FAM161B: variants seen among roughly 807,000 people sequenced by gnomAD.
FAM161B encodes FAM161 centrosomal protein B.
FAM161B carries 46 observed loss-of-function variants against 61.5 expected under a neutral mutation model. That is an observed-to-expected ratio of 0.75 (90% CI 0.59 to 0.96). The LOEUF is 0.96. Among genes scored for constraint, FAM161B ranks in the 40% least tolerant of loss-of-function variants. FAM161B has a pLI of 0.00. For synonymous variants in FAM161B, 284 were observed against 302.7 expected (o/e 0.94, Z 0.64); for missense variants, 774 against 800.7 (o/e 0.97, Z 0.40).
chr14:73,931,596 C>G (rs369282610), downstream of FAM161B: 629 of 1,544,822 alleles, frequency 4.1e-4, 3 homozygotes, highest in Middle Eastern at 2.9e-3. Context: ...AATGCGTATA[C>G]TGGGAACAGG....
At position 73,944,857 on chromosome 14, in the gene FAM161B, G is replaced by A. The variant is rs778721600; in HGVS notation, c.403C>T (p.Leu135=). The change falls in exon 3 of 9, where the codon CTG becomes TTG. Residue 135 remains leucine (L), a synonymous_variant. Transcript: ENST00000286544. ...GGAATGTTGGAGGGAAGGTTGTTCA[G>A]GGAGCTGCAGCGCCTTGTGGAGCCA... ...RCGSTRRCSS[L]NNLPSNIPRP... 6.6e-7 allele frequency: 1 copy of A among 1,525,374 alleles called. No homozygotes were observed. The highest frequency in any genetic ancestry group is 1.4e-5 in the African/African-American group (1 of 72,080). The allele number at this position is 1,525,374 out of a possible 1,614,324, so 94.5% of individuals were successfully genotyped here. A position where few individuals can be genotyped will look rare whatever the true frequency, so the allele number is the denominator to read the frequency against.
chr14:73,934,129 C>G lies in FAM161B; in HGVS notation c.*127G>C, dbSNP rs2055950358. On this transcript the variant is annotated 3_prime_UTR_variant, in exon 9 of 9. Transcript: ENST00000286544. ...GAGCCACTGCGCCTGGCCTGTTAAT[C>G]TGCTACTCTTCATTTGTCCATCCTC... The G allele has an allele frequency of 8.5e-7, 1 of 1,170,996 alleles. No individual in the cohort carries two copies. The highest frequency in any genetic ancestry group is 1.2e-6 in the Non-Finnish European group (1 of 846,196). 72.5% of individuals were successfully genotyped at this position (1,170,996 alleles called of 1,614,324 possible).
At chr14:73,926,875 T>C (rs1165753246), downstream of FAM161B, among the ~76,000 whole-genome samples, 3 of 152,282 alleles carry the variant, frequency 2.0e-5, no homozygotes, top group East Asian at 3.9e-4. Context: ...TAGATTCAAT[T>C]TTTCCCCCTT....
intron 7 of FAM161B, among the ~76,000 whole-genome samples, 155 bp from the exon 8 acceptor site, chr14:73,936,243 G>A (rs964934228): frequency 2.0e-5 from 3 of 152,170 alleles, no homozygotes; most frequent in Non-Finnish European, 4.4e-5. Context: ...TTGTTTTCCA[G>A]CCTTAATGTG....
chr14:73,939,579 G>A (rs62005763), intron 5 of FAM161B, among the ~76,000 whole-genome samples: 4 of 151,988 alleles, frequency 2.6e-5, no homozygotes, highest in African/African-American at 2.4e-5. Context: ...CTCTGACTCC[G>A]AAGCCTCTGG....
chr14:73,932,530 GT>G lies in FAM161B; in HGVS notation c.*1725del, dbSNP rs1157441449. On this transcript the variant is annotated 3_prime_UTR_variant, in exon 9 of 9. Coordinates refer to ENST00000286544, the MANE Select transcript of FAM161B (RefSeq NM_152445.3). ...ACTTCTGAATTTTTCCACAAAGATAGTTTTTTTAAAAAAGCTTGAGAAAGGT... is the reference window on the plus strand; with the variant it reads ...ACTTCTGAATTTTTCCACAAAGATAGTTTTTTAAAAAAGCTTGAGAAAGGT... The G allele has an allele frequency of 4.5e-6, 2 of 442,216 alleles. No homozygotes were observed. Among genetic ancestry groups the G allele is most frequent in the South Asian group, 1.6e-5 (1 of 61,444 alleles). The allele number at this position is 442,216 out of a possible 1,614,324, so 27.4% of individuals were successfully genotyped here.
In FAM161B at chr14:73,946,584, C is replaced by T. The variant is rs747198305; in HGVS notation, c.76G>A (p.Ala26Thr). Residue 26 changes from alanine to threonine, a missense_variant, in exon 2 of 9, where the codon GCA becomes ACA. Coordinates refer to ENST00000286544, the MANE Select transcript of FAM161B (RefSeq NM_152445.3). ...AGCTCCTCTCCTGCCTCTGTGTCTGCGAAGGACTCGGGGGGAAATATCTAA... is the reference window on the plus strand; with the variant it reads ...AGCTCCTCTCCTGCCTCTGTGTCTGTGAAGGACTCGGGGGGAAATATCTAA... Reference protein sequence around the residue: ...SRQIFPPESFADTEAGEELSG... With the variant: ...SRQIFPPESFTDTEAGEELSG... 2.4e-5 allele frequency: 39 copies of T among 1,613,236 alleles called. No individual in the cohort carries two copies. The highest frequency in any genetic ancestry group is 5.5e-5 in the South Asian group (5 of 91,074).
rs2055936433 is a variant in FAM161B, at chr14:73,932,864, T to TCCTC, written c.*1388_*1391dup. The TCCTC allele has an allele frequency of 6.1e-6, 1 of 164,166 alleles. No homozygotes were observed. Among genetic ancestry groups the TCCTC allele is most frequent in the African/African-American group, 2.4e-5 (1 of 41,630 alleles). 10.2% of individuals were successfully genotyped at this position (164,166 alleles called of 1,614,324 possible). Reference sequence around the variant, plus strand: ...GTCTTGAACGCCTGGCTTCAAGCGATCCTCCTGCCTTGGCCCCTCAAAGTG... The same window carrying TCCTC: ...GTCTTGAACGCCTGGCTTCAAGCGATCCTCCCTCCTGCCTTGGCCCCTCAAAGTG... On this transcript the variant is annotated 3_prime_UTR_variant, in exon 9 of 9. Transcript: ENST00000286544.
chr14:73,944,979 C>T (rs2056054390), intron 2 of FAM161B, 94 bp from the exon 3 acceptor site: 2 of 1,101,736 alleles, frequency 1.8e-6, no homozygotes, highest in Admixed American at 3.2e-5. Context: ...TCCCACTGGT[C>T]ACAGCTGGCT....
At chr14:73,931,508 A>G, downstream of FAM161B, 1 of 1,606,610 alleles carries the variant, frequency 6.2e-7, no homozygotes, top group Non-Finnish European at 8.5e-7. Flanking sequence ...TACAGTTACT[A>G]AACCAAGGAG....
chr14:73,939,618 C>A (rs1311512671), intron 5 of FAM161B, among the ~76,000 whole-genome samples: 4 of 152,194 alleles, frequency 2.6e-5, no homozygotes, highest in Admixed American at 1.3e-4. Flanking sequence ...AAACAGTGGG[C>A]TGGAAGGTGT....
chr14:73,937,982 C>T lies in FAM161B; in HGVS notation c.1531G>A (p.Glu511Lys), dbSNP rs1566673265. The T allele has an allele frequency of 1.2e-6, 2 of 1,614,200 alleles. No individual in the cohort carries two copies. The highest frequency in any genetic ancestry group is 2.2e-5 in the South Asian group (2 of 91,090). Residue 511 changes from glutamate (E) to lysine (K), a missense_variant, in exon 6 of 9, where the codon GAG becomes AAG. Coordinates refer to ENST00000286544, the MANE Select transcript of FAM161B (RefSeq NM_152445.3). ...TTCAGCTTTGCTTTGAACACTTCCT[C>T]CAGGCTTTTATGGGGATCCATGGCT... ...AKAMDPHKSLEEVFKAKLKEN... is the reference protein window; with the variant it reads ...AKAMDPHKSLKEVFKAKLKEN...
Position 73,944,611 on chromosome 14 carries a change from G to A in FAM161B, c.649C>T (p.Arg217Trp), listed in dbSNP as rs150117219. Residue 217 changes from arginine (R) to tryptophan (W), a missense_variant, in exon 3 of 9, where the codon CGG (arginine) becomes TGG (tryptophan). By Grantham distance (101) the Arg-to-Trp change is moderately radical. Transcript: ENST00000286544. ...EEEAECHRQF[R>W]AQPVPAHVYL... is the part of the protein sequence containing the mutation. ...ACATGTGCAGGCACAGGCTGTGCCC[G>A]GAACTGCCTGTGGCACTCGGCCTCT... 166 of 1,614,006 alleles carry A rather than the reference G, an allele frequency of 1.0e-4. No individual in the cohort carries two copies. The East Asian group carries it at 1.5e-3, about 15-fold the overall frequency.
rs750499519 is a variant in FAM161B, at chr14:73,944,691, C to A, written c.569G>T (p.Gly190Val). 6.2e-7 allele frequency: 1 copy of A among 1,607,982 alleles called. No homozygotes were observed. Among genetic ancestry groups the A allele is most frequent in the South Asian group, 1.1e-5 (1 of 90,878 alleles). Reference protein sequence around the residue: ...REARKKAEWLGSPASFEQERQ... With the variant: ...REARKKAEWLVSPASFEQERQ... Reference sequence around the variant, plus strand: ...CTCCTGCTCAAAGGAGGCAGGTGAGCCCAGCCACTCGGCCTTCTTCCGGGC... The same window carrying A: ...CTCCTGCTCAAAGGAGGCAGGTGAGACCAGCCACTCGGCCTTCTTCCGGGC... The change falls in exon 3 of 9, where the codon GGC becomes GTC. Residue 190 changes from glycine to valine, a missense_variant. Transcript: ENST00000286544.
At chr14:73,923,483 A>C in the FAM161B span, 6 of 1,613,936 alleles carry the variant, frequency 3.7e-6, no homozygotes, top group Non-Finnish European at 5.1e-6. Context: ...GGAGGCAATC[A>C]TATGAAGTTT....
chr14:73,931,535 G>A (rs2055915285), downstream of FAM161B: 1 of 1,608,412 alleles, frequency 6.2e-7, no homozygotes. Flanking sequence ...CTGAAAGACG[G>A]ACATGAGCGT....
chr14:73,934,501 C>T, intron 8 of FAM161B, 107 bp from the exon 9 acceptor site: 10 of 1,044,978 alleles, frequency 9.6e-6, no homozygotes, highest in Non-Finnish European at 1.3e-5. Context: ...CTCACTGCAG[C>T]CTGGACAGCC....
Position 73,944,366 on chromosome 14 carries a change from A to G in FAM161B, c.894T>C (p.Ile298=). 6.3e-7 allele frequency: 1 copy of G among 1,598,870 alleles called. No homozygotes were observed. The highest frequency in any genetic ancestry group is 8.6e-7 in the Non-Finnish European group (1 of 1,168,600). ...QKATRRIPKS[I]LEPALGDKLQ... ...GTTTATCCCCAAGGGCTGGCTCCAGAATGGACTTGGGAATCCTTCTGGTGG... is the reference window on the plus strand; with the variant it reads ...GTTTATCCCCAAGGGCTGGCTCCAGGATGGACTTGGGAATCCTTCTGGTGG... The change falls in exon 3 of 9, where the codon ATT becomes ATC. Residue 298 remains isoleucine, a synonymous_variant. Transcript: ENST00000286544.
chr14:73,943,421 T>A (rs1005565), intron 3 of FAM161B, among the ~76,000 whole-genome samples: 1 of 152,014 alleles, frequency 6.6e-6, no homozygotes, highest in Non-Finnish European at 1.5e-5. Context: ...CTCAGTGGCT[T>A]CCCTGTGCCC....
Sources: allele counts gnomAD v4.1 joint callset (sites outside exome capture counted in the v4.1 genomes callset), GRCh38; gene constraint gnomAD v4.1.1; transcripts MANE v1.5; gene names NCBI Gene and HGNC (gene_info 2026-07-23, HGNC 2026-07-21).